LGI2: variants seen among roughly 807,000 people sequenced by gnomAD.
The protein encoded by LGI2 is leucine-rich repeat LGI family member 2.
A neutral mutation model predicts 52.0 loss-of-function variants in LGI2; 30 were observed. The observed-to-expected ratio is 0.58, with a 90% CI of 0.43 to 0.78. LGI2 has a LOEUF of 0.78. LGI2 is among the 30% of genes least tolerant of loss of function. The probability of loss-of-function intolerance (pLI) is 0.00; values close to 1 mark genes in which losing one functional copy is unlikely to be tolerated. For synonymous variants in LGI2, 270 were observed against 271.8 expected (o/e 0.99, Z 0.06); for missense variants, 573 against 692.5 (o/e 0.83, Z 1.94).
chr4:25,013,100 A>G lies in LGI2; in HGVS notation c.656-601T>C, dbSNP rs528095595. ...ACACTCCCCAAATGGTACACTGAAC[A>G]TTGGAAACCAAACCAAACCCTCTGC... On this transcript the variant is annotated intron_variant, in intron 6 of 7. Transcript: ENST00000382114. 6.9e-4 allele frequency among the ~76,000 whole-genome samples: 105 copies of G among 152,344 alleles called. 1 individual carries two copies. The highest frequency in any genetic ancestry group is 3.4e-3 in the Middle Eastern group (1 of 294).
the LGI2 span, among the ~76,000 whole-genome samples, chr4:24,992,574 TA>T: frequency 2.7e-4 from 40 of 146,812 alleles, 1 homozygote; most frequent in African/African-American, 6.8e-4. Context: ...AAATAAAAAA[TA>T]AAAAAAAAAT....
At chr4:25,030,103 C>CAT (rs1255607359) in intron 1 of LGI2, among the ~76,000 whole-genome samples, 2 of 151,846 alleles carry the variant, frequency 1.3e-5, no homozygotes, top group African/African-American at 4.8e-5. Context: ...CACACACACA[C>CAT]ACACGCACAC....
intron 7 of LGI2, among the ~76,000 whole-genome samples, chr4:25,005,263 T>C (rs1725362354): frequency 6.6e-6 from 1 of 152,170 alleles, no homozygotes; most frequent in South Asian, 2.1e-4. Flanking sequence ...TACTAAAACA[T>C]GGTTAAGACA....
Position 25,012,508 on chromosome 4 carries a change from G to A in LGI2, c.656-9C>T, listed in dbSNP as rs368687526. Reference sequence around the variant, plus strand: ...CTGATGAACAACAAAATCTGGGGATGGGTGTTTAAAAAGAAAAGCGTTCAT... The same window carrying A: ...CTGATGAACAACAAAATCTGGGGATAGGTGTTTAAAAAGAAAAGCGTTCAT... On this transcript the variant is annotated splice_polypyrimidine_tract_variant and intron_variant, in intron 6 of 7. Transcript: ENST00000382114. The A allele has an allele frequency of 6.2e-6, 10 of 1,611,812 alleles. No individual in the cohort carries two copies. Among genetic ancestry groups the A allele is most frequent in the Non-Finnish European group, 8.5e-6 (10 of 1,178,472 alleles).
downstream of LGI2, among the ~76,000 whole-genome samples, chr4:24,995,538 A>G (rs1350916850): frequency 6.6e-6 from 1 of 152,130 alleles, no homozygotes; most frequent in Non-Finnish European, 1.5e-5. Flanking sequence ...GAAGAACTCA[A>G]TGTCTCCCAC....
the LGI2 span, among the ~76,000 whole-genome samples, chr4:24,993,700 G>A: frequency 6.6e-6 from 1 of 152,116 alleles, no homozygotes; most frequent in South Asian, 2.1e-4. Flanking sequence ...CTTTACAAAT[G>A]TCCATTTTTT....
Position 25,014,795 on chromosome 4 carries a change from C to A in LGI2, c.656-2296G>T, listed in dbSNP as rs113521797. Reference sequence around the variant, plus strand: ...GCAGTGAGCTATGATTGTGCCACTGCACTCTAGCCTGGATGACAGAGCAAG... The same window carrying A: ...GCAGTGAGCTATGATTGTGCCACTGAACTCTAGCCTGGATGACAGAGCAAG... On this transcript the variant is annotated intron_variant, in intron 6 of 7. Coordinates refer to ENST00000382114, the MANE Select transcript of LGI2 (RefSeq NM_018176.4). Among the ~76,000 whole-genome samples the A allele has an allele frequency of 4.5e-3, 614 of 135,394 alleles. 6 individuals are homozygous for A. Among genetic ancestry groups the A allele is most frequent in the Non-Finnish European group, 4.0e-3 (260 of 65,592 alleles). 88.8% of individuals were successfully genotyped at this position (135,394 alleles called of 152,430 possible). A position where few individuals can be genotyped will look rare whatever the true frequency, so the allele number is the denominator to read the frequency against.
chr4:25,018,206 G>A (rs1376000787), intron 5 of LGI2, 48 bp from the exon 6 acceptor site: 2 of 1,365,218 alleles, frequency 1.5e-6, no homozygotes, highest in Admixed American at 2.2e-5. Flanking sequence ...AAATAGATGT[G>A]TCTGACATGT....
intron 6 of LGI2, among the ~76,000 whole-genome samples, chr4:25,016,192 A>G (rs1253799645): frequency 6.6e-6 from 1 of 152,190 alleles, no homozygotes; most frequent in Admixed American, 6.5e-5. Context: ...AAGCTCAGAA[A>G]ATATGTTTTC....
intron 5 of LGI2, among the ~76,000 whole-genome samples, 198 bp downstream of exon 5, chr4:25,018,969 G>T (rs561659171): frequency 6.6e-6 from 1 of 152,212 alleles, no homozygotes; most frequent in South Asian, 2.1e-4. Context: ...TTTACCATTG[G>T]CCTCATGGTG....
rs555214439 is a variant in LGI2, at chr4:25,003,977, A to G, written c.1112T>C (p.Phe371Ser). 1.9e-6 allele frequency: 3 copies of G among 1,614,190 alleles called. No individual in the cohort carries two copies. The East Asian group carries it at 6.7e-5, about 36-fold the overall frequency. The change falls in exon 8 of 8, where the codon TTC becomes TCC. Residue 371 changes from phenylalanine (F) to serine (S), a missense_variant. Transcript: ENST00000382114. ...FYSYQSLHEW[F>S]RDTDAEFVDI... is the part of the protein sequence containing the mutation. ...AACAAACTCCGCATCCGTGTCCCTG[A>G]ACCACTCGTGCAGTGACTGGTAAGA...
chr4:25,022,209 A>T (rs1421449242), intron 4 of LGI2, among the ~76,000 whole-genome samples: 1 of 152,318 alleles, frequency 6.6e-6, no homozygotes, highest in Non-Finnish European at 1.5e-5. Context: ...TGCTGGCTGC[A>T]TGAAGCCAAT....
Position 25,019,416 on chromosome 4 carries a change from C to T in LGI2, c.414-178G>A, listed in dbSNP as rs1577556885. 1.4e-4 allele frequency among the ~76,000 whole-genome samples: 9 copies of T among 63,646 alleles called. 2 individuals are homozygous for T. Among genetic ancestry groups the T allele is most frequent in the Admixed American group, 1.0e-3 (8 of 7,728 alleles). The allele number at this position is 63,646 out of a possible 152,430, so 41.8% of individuals were successfully genotyped here. On this transcript the variant is annotated intron_variant, in intron 4 of 7. Transcript: ENST00000382114. Reference sequence around the variant, plus strand: ...GATGCTGGATTATAATATACATTTTCTTTCTTTTTTTTTTTACAAAAAGCA... The same window carrying T: ...GATGCTGGATTATAATATACATTTTTTTTCTTTTTTTTTTTACAAAAAGCA...
At chr4:25,011,070 A>G (rs955070257) in intron 7 of LGI2, among the ~76,000 whole-genome samples, 8 of 149,490 alleles carry the variant, frequency 5.4e-5, no homozygotes, top group African/African-American at 1.7e-4. Flanking sequence ...TGACAGAGTA[A>G]GAGCCTGTCT....
At chr4:25,006,082 A>T (rs193011641) in intron 7 of LGI2, among the ~76,000 whole-genome samples, 1 of 152,352 alleles carries the variant, frequency 6.6e-6, no homozygotes, top group Non-Finnish European at 1.5e-5. Flanking sequence ...TAATCACAAG[A>T]CCTTGCCCCT....
intron 6 of LGI2, among the ~76,000 whole-genome samples, chr4:25,015,008 A>G (rs374451765): frequency 3.9e-5 from 6 of 152,204 alleles, no homozygotes; most frequent in African/African-American, 1.4e-4. Context: ...AGATCTCAGA[A>G]ATACACATAT....
rs574859275 is a variant in LGI2 at position 25,022,675 on chromosome 4, A to C, written c.413+2145T>G. ...TGCACACAGGAACACAGTTATGTAC[A>C]CTCATGTATATAAGTCCATGCACCC... On this transcript the variant is annotated intron_variant, in intron 4 of 7. Coordinates refer to ENST00000382114, the MANE Select transcript of LGI2 (RefSeq NM_018176.4). Among the ~76,000 whole-genome samples the C allele has an allele frequency of 6.6e-5, 10 of 152,214 alleles. No homozygotes were observed. In the South Asian group the frequency reaches 1.9e-3, roughly 28 times the overall value.
At chr4:25,026,745 G>A in intron 3 of LGI2, 123 bp downstream of exon 3, 1 of 756,736 alleles carries the variant, frequency 1.3e-6, no homozygotes, top group Non-Finnish European at 2.4e-6. Context: ...AAAAGAGAAT[G>A]GGGTGTTCTC....
chr4:25,018,031 G>A lies in LGI2; in HGVS notation c.613C>T (p.Leu205=). 1 of 1,612,928 alleles carries A rather than the reference G, an allele frequency of 6.2e-7. No individual in the cohort carries two copies. Among genetic ancestry groups the A allele is most frequent in the Non-Finnish European group, 8.5e-7 (1 of 1,179,760 alleles). Residue 205 remains leucine (L), a synonymous_variant, in exon 6 of 8, where the codon CTA becomes TTA. Transcript: ENST00000382114. ...TAGTCAAAGCTGGTCACGTCATTTA[G>A]CTTCTTTTCCTGATACTCTGGTGGA... ...IGPPEYQEKK[L]NDVTSFDYEC...
Sources: gnomAD v4.1 joint callset for allele counts (sites outside exome capture counted in the v4.1 genomes callset) on GRCh38, gnomAD v4.1.1 for gene constraint, MANE v1.5 for transcripts, NCBI Gene and HGNC (gene_info 2026-07-23, HGNC 2026-07-21) for gene names.